MCTP2: variants seen among roughly 807,000 people sequenced by gnomAD.
MCTP2 encodes multiple C2 and transmembrane domain containing 2, also known as multiple C2 and transmembrane domain-containing protein 2.
Under a neutral mutation model 111.6 loss-of-function variants are expected in MCTP2, and 132 were observed. That is an observed-to-expected ratio of 1.18 (90% confidence interval 1.03 to 1.37). The LOEUF (loss-of-function observed/expected upper bound fraction) is 1.37, where lower values mean the gene tolerates loss of function less well. Among genes scored for constraint, MCTP2 ranks in the 40% most tolerant of loss-of-function variants. The pLI is 0.00. For synonymous variants in MCTP2, 395 were observed against 387.7 expected, an observed-to-expected ratio of 1.02 and a Z score of -0.22; for missense variants, 1,183 against 1,067.9, an observed-to-expected ratio of 1.11 and a Z score of -1.50.
chr15:94,475,661 C>T (rs1424097901), intron 21 of MCTP2, among the ~76,000 whole-genome samples: 3 of 152,142 alleles, frequency 2.0e-5, no homozygotes, highest in Non-Finnish European at 4.4e-5. Flanking sequence ...CTTCAGAAGG[C>T]CACCTAGTCT....
chr15:94,238,877 G>C (rs1304728208), intron 1 of MCTP2, among the ~76,000 whole-genome samples: 1 of 152,136 alleles, frequency 6.6e-6, no homozygotes, highest in Non-Finnish European at 1.5e-5. Context: ...TTATTAATAA[G>C]TGGGAATATT....
chr15:94,339,480 T>C (rs550465472), intron 5 of MCTP2, 48 bp downstream of exon 5: 2 of 1,499,534 alleles, frequency 1.3e-6, no homozygotes, highest in South Asian at 2.8e-5. Context: ...AAAACATTTC[T>C]CAGCAGTTTC....
chr15:94,315,627 A>G lies in MCTP2; in HGVS notation c.627A>G (p.Arg209=). Reference sequence around the variant, plus strand: ...AGGAAGGCCGGAACCTGGTTGTCCGAGATCGCTGTGGTAAGACCTGGGTCT... The same window carrying G: ...AGGAAGGCCGGAACCTGGTTGTCCGGGATCGCTGTGGTAAGACCTGGGTCT... ...HLKEGRNLVV[R]DRCGTSDPYV... is the part of the protein sequence containing the mutation. The change falls in exon 4 of 23, where the codon CGA becomes CGG. Residue 209 remains arginine, a synonymous_variant. Transcript: ENST00000357742. The G allele has an allele frequency of 6.2e-7, 1 of 1,613,742 alleles. No individual in the cohort carries two copies. The highest frequency in any genetic ancestry group is 8.5e-7 in the Non-Finnish European group (1 of 1,179,704).
At chr15:94,291,842 A>G (rs1327067828) in intron 1 of MCTP2, among the ~76,000 whole-genome samples, 1 of 152,200 alleles carries the variant, frequency 6.6e-6, no homozygotes, top group Admixed American at 6.5e-5. Context: ...TTGGACAGTA[A>G]ATATTTTAGG....
In MCTP2 at chr15:94,458,123, T is replaced by A. The variant is rs1271997731; in HGVS notation, c.2251-14T>A. On this transcript the variant is annotated splice_polypyrimidine_tract_variant and intron_variant, in intron 19 of 22. Transcript: ENST00000357742. Reference sequence around the variant, plus strand: ...TGAAGTAACTGAGTTAAATCTTGCTTTTATGTTTTCTAGGAATCTGAGAAA... The same window carrying A: ...TGAAGTAACTGAGTTAAATCTTGCTATTATGTTTTCTAGGAATCTGAGAAA... 1 of 1,487,292 alleles carries A rather than the reference T, an allele frequency of 6.7e-7. No homozygotes were observed. The highest frequency in any genetic ancestry group is 2.3e-5 in the East Asian group (1 of 44,278). The allele number at this position is 1,487,292 out of a possible 1,614,324, so 92.1% of individuals were successfully genotyped here.
At chr15:94,341,810 A>G (rs2077655349) in intron 7 of MCTP2, 1 of 152,314 alleles carries the variant, frequency 6.6e-6, no homozygotes, top group East Asian at 1.9e-4. Context: ...TCCTTTTATT[A>G]CTTCTTTTTA....
intron 19 of MCTP2, among the ~76,000 whole-genome samples, chr15:94,449,352 C>G (rs1243575539): frequency 6.6e-6 from 1 of 152,126 alleles, no homozygotes; most frequent in Non-Finnish European, 1.5e-5. Context: ...ATGAACAAAC[C>G]AAGGCTAAGA....
chr15:94,471,613 TTGA>T (rs2073934579), intron 21 of MCTP2, among the ~76,000 whole-genome samples: 1 of 152,208 alleles, frequency 6.6e-6, no homozygotes, highest in Non-Finnish European at 1.5e-5. Flanking sequence ...ATTTTAATAC[TTGA>T]TGATCCTGAT....
At chr15:94,314,450 A>G in intron 3 of MCTP2, 106 bp downstream of exon 3, 1 of 886,706 alleles carries the variant, frequency 1.1e-6, no homozygotes, top group Non-Finnish European at 1.7e-6. Flanking sequence ...AAAAAAAAAA[A>G]AATGCCAAAC....
chr15:94,416,934 T>C (rs942174485), intron 17 of MCTP2, among the ~76,000 whole-genome samples: 1 of 152,146 alleles, frequency 6.6e-6, no homozygotes, highest in African/African-American at 2.4e-5. Flanking sequence ...GTGGTTAGTT[T>C]ATAAGTAATG....
rs1206724174 is a variant in MCTP2, at chr15:94,370,190, A to G, written c.1582+10A>G. The G allele has an allele frequency of 1.9e-6, 3 of 1,585,740 alleles. No individual in the cohort carries two copies. The highest frequency in any genetic ancestry group is 2.3e-5 in the South Asian group (2 of 87,078). The stretch of plus-strand genomic sequence containing the variant: ...GCGGCAGATTTCTCAGGTACAGGAC[A>G]TTTTCATTTTCTAATTTATCTTTAT... On this transcript the variant is annotated intron_variant, in intron 12 of 22. Transcript: ENST00000357742.
chr15:94,321,649 A>G (rs764198914), intron 4 of MCTP2, among the ~76,000 whole-genome samples: 54 of 152,102 alleles, frequency 3.6e-4, no homozygotes, highest in South Asian at 2.1e-4. Flanking sequence ...TGCTCTCTCT[A>G]TGATCTGTCT....
Position 94,467,280 on chromosome 15 carries a change from T to A in MCTP2, c.2361-3053T>A, listed in dbSNP as rs142817280. ...TCTTCCAGGGTGAAAAAAGAGTGGGTTTTGTTGCCACCTAGCTATGGATTT... is the reference window on the plus strand; with the variant it reads ...TCTTCCAGGGTGAAAAAAGAGTGGGATTTGTTGCCACCTAGCTATGGATTT... On this transcript the variant is annotated intron_variant, in intron 20 of 22. Transcript: ENST00000357742. Among the ~76,000 whole-genome samples, 46 of 152,238 alleles carry A rather than the reference T, an allele frequency of 3.0e-4. No homozygotes were observed. In the East Asian group the frequency reaches 7.3e-3, roughly 24 times the overall value.
intron 4 of MCTP2, among the ~76,000 whole-genome samples, chr15:94,328,715 C>T (rs1014576599): frequency 6.6e-6 from 1 of 152,126 alleles, no homozygotes; most frequent in Admixed American, 6.5e-5. Context: ...AACAAATTGC[C>T]TTGAATCTCA....
At chr15:94,256,334 A>C (rs2072768301) in intron 1 of MCTP2, among the ~76,000 whole-genome samples, 2 of 152,186 alleles carry the variant, frequency 1.3e-5, no homozygotes, top group Non-Finnish European at 2.9e-5. Context: ...CAAAATCTAC[A>C]AAAATCTGAA....
chr15:94,319,618 C>T (rs912662406), intron 4 of MCTP2, among the ~76,000 whole-genome samples: 5 of 152,140 alleles, frequency 3.3e-5, no homozygotes, highest in Non-Finnish European at 5.9e-5. Context: ...AGGTGGGTGT[C>T]GGCACATGAG....
chr15:94,426,577 G>A (rs375973555), intron 17 of MCTP2, among the ~76,000 whole-genome samples: 12 of 152,068 alleles, frequency 7.9e-5, no homozygotes, highest in East Asian at 7.7e-4. Flanking sequence ...TCAGTTCTCT[G>A]CTGGTATTGT....
At chr15:94,343,161 G>A (rs1320174625) in intron 7 of MCTP2, 1 of 151,746 alleles carries the variant, frequency 6.6e-6, no homozygotes, top group Non-Finnish European at 1.5e-5. Flanking sequence ...AATTAATTGA[G>A]GAATAATTTA....
intron 4 of MCTP2, among the ~76,000 whole-genome samples, chr15:94,327,040 G>A (rs755947462): frequency 2.6e-5 from 4 of 151,922 alleles, no homozygotes; most frequent in Non-Finnish European, 5.9e-5. Context: ...TCCTGGGCAT[G>A]TTCACATGCA....
Sources: allele counts gnomAD v4.1 joint callset (sites outside exome capture counted in the v4.1 genomes callset), GRCh38; gene constraint gnomAD v4.1.1; transcripts MANE v1.5; gene names NCBI Gene and HGNC (gene_info 2026-07-23, HGNC 2026-07-21).